ATXN1: variants seen among roughly 807,000 people sequenced by gnomAD.
ATXN1 encodes ataxin-1.
In ATXN1, 8 loss-of-function variants were observed where a neutral mutation model predicts 56.4. That is an observed-to-expected ratio of 0.14 (90% CI 0.08 to 0.26). The LOEUF (loss-of-function observed/expected upper bound fraction) is 0.26, where lower values mean the gene tolerates loss of function less well. Among genes scored for constraint, ATXN1 ranks in the 10% least tolerant of loss-of-function variants. The pLI is 1.00. For synonymous variants in ATXN1, 514 were observed against 494.6 expected, an observed-to-expected ratio of 1.04 and a Z score of -0.52; for missense variants, 987 against 1,106.5, an observed-to-expected ratio of 0.89 and a Z score of 1.53.
Position 16,300,475 on chromosome 6 carries a change from C to T in ATXN1, c.*5854G>A, listed in dbSNP as rs1174635919. On this transcript the variant is annotated 3_prime_UTR_variant, in exon 8 of 8. Transcript: ENST00000436367. ...TAAGTGGGGGTGCTTAATATCCCCA[C>T]AGCTGTCCAGTTTCCACTGTCCGGC... 2 of 152,394 alleles carry T rather than the reference C, an allele frequency of 1.3e-5. No homozygotes were observed. The highest frequency in any genetic ancestry group is 4.8e-5 in the African/African-American group (2 of 41,448). The allele number at this position is 152,394 out of a possible 1,614,324, so 9.4% of individuals were successfully genotyped here.
At chr6:16,459,200 G>C (rs1759941953) in intron 6 of ATXN1, among the ~76,000 whole-genome samples, 1 of 152,134 alleles carries the variant, frequency 6.6e-6, no homozygotes, top group Non-Finnish European at 1.5e-5. Flanking sequence ...TATGAATATG[G>C]GGAACAAGTT....
chr6:16,328,140 GC>G lies in ATXN1; in HGVS notation c.170del (p.Gly57AlafsTer19). ...AGGTCCCTGCCGGCCCATGCCTCCC[GC>G]CCCCGTGGCCCCGGCCACCAGGGTT... is the stretch of plus-strand genomic sequence containing the variant. ...PGNPGGRGHG[G>X]GRHGPAGTSV... On this transcript the variant is annotated frameshift_variant, in exon 7 of 8. Transcript: ENST00000436367. LOFTEE classifies it high-confidence loss of function. This position sits in a 1 kb window ranked among gnomAD's most constrained non-coding sequence, Gnocchi z 6.2. 1 of 1,579,372 alleles carries G rather than the reference GC, an allele frequency of 6.3e-7. No homozygotes were observed. Among genetic ancestry groups the G allele is most frequent in the Non-Finnish European group, 8.6e-7 (1 of 1,159,720 alleles).
chr6:16,412,181 C>G (rs146550970), intron 6 of ATXN1, among the ~76,000 whole-genome samples: 1 of 152,146 alleles, frequency 6.6e-6, no homozygotes, highest in Non-Finnish European at 1.5e-5. Context: ...ATAGGAGAAA[C>G]CTTTCTAAAA....
intron 2 of ATXN1, 34 bp downstream of exon 2, chr6:16,753,199 A>G (rs1337615206): frequency 2.2e-6 from 1 of 456,270 alleles, no homozygotes; most frequent in Non-Finnish European, 4.4e-6. Flanking sequence ...CTTTATCCTC[A>G]GATGGAAAAC....
chr6:16,388,163 C>T (rs759118783), intron 6 of ATXN1, among the ~76,000 whole-genome samples: 1 of 152,188 alleles, frequency 6.6e-6, no homozygotes, highest in Non-Finnish European at 1.5e-5. Context: ...TGACCACTGA[C>T]AGTCTCTTAA....
At chr6:16,571,646 T>C (rs1434440021) in intron 4 of ATXN1, among the ~76,000 whole-genome samples, 1 of 151,124 alleles carries the variant, frequency 6.6e-6, no homozygotes, top group Non-Finnish European at 1.5e-5. Context: ...CTCACAACAT[T>C]ACACTCAGCT....
chr6:16,520,512 C>G (rs1401612255), intron 5 of ATXN1, among the ~76,000 whole-genome samples: 8 of 152,136 alleles, frequency 5.3e-5, no homozygotes, highest in Non-Finnish European at 1.0e-4. Context: ...TGCCTCAGAC[C>G]CTTCTCTACC....
At chr6:16,731,449 C>CTTTTTTTT (rs1250658347) in intron 2 of ATXN1, among the ~76,000 whole-genome samples, 4 of 41,074 alleles carry the variant, frequency 9.7e-5, no homozygotes, top group Non-Finnish European at 2.0e-4. Context: ...CTTTTTTTTT[C>CTTTTTTTT]TTTTCTTTTT....
intron 6 of ATXN1, among the ~76,000 whole-genome samples, chr6:16,430,155 T>TG (rs1483331589): frequency 3.3e-5 from 5 of 152,134 alleles, no homozygotes; most frequent in African/African-American, 7.2e-5. Flanking sequence ...AGACAAGTGT[T>TG]GGAGGGAAAC....
intron 4 of ATXN1, among the ~76,000 whole-genome samples, chr6:16,573,058 G>A (rs2113752418): frequency 6.6e-6 from 1 of 152,284 alleles, no homozygotes; most frequent in African/African-American, 2.4e-5. Flanking sequence ...GAACAGAGTA[G>A]GGCAATCTTT....
intron 6 of ATXN1, among the ~76,000 whole-genome samples, chr6:16,425,410 T>A (rs1453136190): frequency 6.6e-6 from 1 of 152,194 alleles, no homozygotes; most frequent in Non-Finnish European, 1.5e-5. Context: ...CAACATAATA[T>A]ACTGAAACAC....
intron 2 of ATXN1, among the ~76,000 whole-genome samples, chr6:16,706,657 G>A (rs1468998779): frequency 6.6e-6 from 1 of 151,202 alleles, no homozygotes; most frequent in African/African-American, 2.4e-5. Flanking sequence ...CCCAGAGGCG[G>A]AAGTTGCAGG....
chr6:16,685,446 A>G (rs1262328287), intron 2 of ATXN1, among the ~76,000 whole-genome samples: 1 of 152,112 alleles, frequency 6.6e-6, no homozygotes, highest in Non-Finnish European at 1.5e-5. Context: ...CCCACAGACT[A>G]TGAGGCATCT....
At chr6:16,635,245 C>A (rs1330067394) in intron 3 of ATXN1, among the ~76,000 whole-genome samples, 2 of 152,086 alleles carry the variant, frequency 1.3e-5, no homozygotes, top group Non-Finnish European at 2.9e-5. Flanking sequence ...TAGATGGGAC[C>A]GTTTTGTTGC....
chr6:16,469,710 T>A (rs2113637218), intron 6 of ATXN1, among the ~76,000 whole-genome samples: 1 of 152,282 alleles, frequency 6.6e-6, no homozygotes, highest in Non-Finnish European at 1.5e-5. Flanking sequence ...ATGCCTGTAA[T>A]CCCAGTGCTT....
At chr6:16,644,530 A>AAAG (rs1763767407) in intron 3 of ATXN1, among the ~76,000 whole-genome samples, 1 of 145,790 alleles carries the variant, frequency 6.9e-6, no homozygotes, top group Non-Finnish European at 1.5e-5. Context: ...AAAAAAAAAA[A>AAAG]GGTTAAAATG....
At chr6:16,400,711 A>G (rs1329845260) in intron 6 of ATXN1, among the ~76,000 whole-genome samples, 1 of 152,224 alleles carries the variant, frequency 6.6e-6, no homozygotes, top group Non-Finnish European at 1.5e-5. Context: ...TATTAAGATT[A>G]CCATATTGTC....
At chr6:16,605,806 T>C (rs960281703) in intron 3 of ATXN1, among the ~76,000 whole-genome samples, 7 of 152,172 alleles carry the variant, frequency 4.6e-5, no homozygotes, top group African/African-American at 1.7e-4. Context: ...TTGCCGGGTC[T>C]ATATTCCCTT....
intron 6 of ATXN1, among the ~76,000 whole-genome samples, chr6:16,453,046 C>T (rs1284000023): frequency 6.6e-6 from 1 of 152,066 alleles, no homozygotes; most frequent in African/African-American, 2.4e-5. Context: ...TAAAGTAATT[C>T]TTTATAAAAT....
Sources: allele counts gnomAD v4.1 joint callset (sites outside exome capture counted in the v4.1 genomes callset), GRCh38; gene constraint gnomAD v4.1.1; non-coding constraint Gnocchi (gnomAD v3.1); transcripts MANE v1.5; gene names NCBI Gene and HGNC (gene_info 2026-07-23, HGNC 2026-07-21).